Variants in LGSN observed in about 807,000 individuals in gnomAD.
The protein encoded by LGSN is lengsin, lens protein with glutamine synthetase domain, also known as lengsin.
A neutral mutation model predicts 19.5 loss-of-function variants in LGSN; 21 were observed. The observed-to-expected ratio is 1.07, with a 90% CI of 0.76 to 1.55. The LOEUF (loss-of-function observed/expected upper bound fraction) is 1.55. LGSN is among the 40% of genes most tolerant of loss of function. The probability of loss-of-function intolerance (pLI) is 0.00; values close to 1 mark genes in which losing one functional copy is unlikely to be tolerated. For synonymous variants in LGSN, 257 were observed against 215.6 expected (o/e 1.19, Z -1.68); for missense variants, 673 against 608.5 (o/e 1.11, Z -1.12).
At chr6:63,554,833 T>G in the LGSN span, among the ~76,000 whole-genome samples, 3 of 152,196 alleles carry the variant, frequency 2.0e-5, no homozygotes, top group Non-Finnish European at 2.9e-5. Context: ...TGTTTACATA[T>G]GGGTCACTTT....
At chr6:63,436,940 G>A in the LGSN span, among the ~76,000 whole-genome samples, 35 of 152,032 alleles carry the variant, frequency 2.3e-4, no homozygotes, top group African/African-American at 7.5e-4. Flanking sequence ...GGGAGGCTGA[G>A]GCAGGAGAAT....
chr6:63,412,088 C>T, the LGSN span, among the ~76,000 whole-genome samples: 275 of 152,048 alleles, frequency 1.8e-3, no homozygotes, highest in African/African-American at 6.3e-3. Flanking sequence ...GAGGGCAGGT[C>T]GGGCAAAGTG....
chr6:63,285,842 T>C, intron 2 of LGSN, 89 bp from the exon 3 acceptor site: 4 of 965,542 alleles, frequency 4.1e-6, no homozygotes, highest in Non-Finnish European at 4.7e-6. Flanking sequence ...TTAGTCAATA[T>C]TATTAACAAA....
At chr6:63,366,068 A>C in the LGSN span, among the ~76,000 whole-genome samples, 1 of 152,184 alleles carries the variant, frequency 6.6e-6, no homozygotes, top group African/African-American at 2.4e-5. Flanking sequence ...TATTCAACAT[A>C]GTGTTGGAAG....
chr6:63,443,640 G>A, the LGSN span: 58 of 899,748 alleles, frequency 6.4e-5, no homozygotes, highest in African/African-American at 1.0e-3. Flanking sequence ...TATGGAATTG[G>A]GCTCTGCTGG....
the LGSN span, among the ~76,000 whole-genome samples, chr6:63,442,082 A>T: frequency 3.3e-5 from 5 of 152,072 alleles, no homozygotes; most frequent in Non-Finnish European, 7.4e-5. Flanking sequence ...CTTTGCTGTG[A>T]GTGTTACAGC....
At chr6:63,513,910 C>CAAAAAAAAAAAAAAAAAA in the LGSN span, among the ~76,000 whole-genome samples, 1 of 10,682 alleles carries the variant, frequency 9.4e-5, no homozygotes, top group Non-Finnish European at 1.7e-4. Flanking sequence ...GACTTCATCT[C>CAAAAAAAAAAAAAAAAAA]AAAAAAAAAA....
the LGSN span, among the ~76,000 whole-genome samples, chr6:63,435,700 C>T: frequency 1.3e-5 from 2 of 152,048 alleles, no homozygotes; most frequent in Non-Finnish European, 2.9e-5. Context: ...TGAATCATGG[C>T]TCATTTATGG....
At chr6:63,465,706 T>A in the LGSN span, among the ~76,000 whole-genome samples, 1 of 152,204 alleles carries the variant, frequency 6.6e-6, no homozygotes, top group Non-Finnish European at 1.5e-5. Flanking sequence ...CATATTTTTT[T>A]TCAGAGAACC....
chr6:63,350,860 A>C, the LGSN span, among the ~76,000 whole-genome samples: 14 of 151,958 alleles, frequency 9.2e-5, 1 homozygote, highest in African/African-American at 3.4e-4. Context: ...AAAAAAACAA[A>C]CAAACAAAAA....
intron 1 of LGSN, among the ~76,000 whole-genome samples, chr6:63,315,559 G>A (rs368137894): frequency 6.6e-6 from 1 of 151,572 alleles, no homozygotes; most frequent in Non-Finnish European, 1.5e-5. Context: ...AAGATACTGA[G>A]AAAACATTAT....
chr6:63,552,804 T>C, the LGSN span, among the ~76,000 whole-genome samples: 2 of 152,220 alleles, frequency 1.3e-5, no homozygotes, highest in East Asian at 3.8e-4. Context: ...CCTTTCCCCA[T>C]TTCTTGTTTT....
chr6:63,339,484 GTATAGC>G, the LGSN span, among the ~76,000 whole-genome samples: 1 of 152,122 alleles, frequency 6.6e-6, no homozygotes, highest in Non-Finnish European at 1.5e-5. Context: ...TCCGACATAA[GTATAGC>G]TACTCCTGCA....
the LGSN span, among the ~76,000 whole-genome samples, chr6:63,567,916 T>G: frequency 6.6e-6 from 1 of 152,240 alleles, no homozygotes; most frequent in Non-Finnish European, 1.5e-5. Context: ...AGAGGGCTTC[T>G]ACTCTTAAAC....
chr6:63,475,783 T>C, the LGSN span, among the ~76,000 whole-genome samples: 1 of 152,294 alleles, frequency 6.6e-6, no homozygotes, highest in South Asian at 2.1e-4. Context: ...TAAGAAAATG[T>C]TTTGGGCAGA....
chr6:63,490,338 C>T, the LGSN span, among the ~76,000 whole-genome samples: 1 of 152,094 alleles, frequency 6.6e-6, no homozygotes, highest in Admixed American at 6.6e-5. Flanking sequence ...TACCTACCTC[C>T]GTAAGTGAGT....
At chr6:63,509,839 G>T in the LGSN span, among the ~76,000 whole-genome samples, 1 of 152,198 alleles carries the variant, frequency 6.6e-6, no homozygotes, top group Non-Finnish European at 1.5e-5. Context: ...CGGGTTAGTC[G>T]CAGACCTGGG....
At chr6:63,522,128 C>T in the LGSN span, among the ~76,000 whole-genome samples, 1 of 152,170 alleles carries the variant, frequency 6.6e-6, no homozygotes, top group African/African-American at 2.4e-5. Context: ...CCTTGTCTTC[C>T]AGATTAGGCT....
chr6:63,491,262 G>C, the LGSN span, among the ~76,000 whole-genome samples: 1 of 152,154 alleles, frequency 6.6e-6, no homozygotes, highest in Non-Finnish European at 1.5e-5. Context: ...GTAAGTCAGT[G>C]TGCTCCCTGC....
Sources: allele counts gnomAD v4.1 joint callset (sites outside exome capture counted in the v4.1 genomes callset), GRCh38; gene constraint gnomAD v4.1.1; transcripts MANE v1.5; gene names NCBI Gene and HGNC (gene_info 2026-07-23, HGNC 2026-07-21).